The following GAS2 variants were observed in gnomAD, a reference collection of about 807,000 sequenced individuals.
GAS2 encodes growth arrest specific 2.
GAS2 carries 20 observed loss-of-function variants against 37.5 expected under a neutral mutation model. That is an observed-to-expected ratio of 0.53 (90% CI 0.37 to 0.77). GAS2 has a LOEUF of 0.77. GAS2 is among the 30% of genes least tolerant of loss of function. The pLI, the probability that GAS2 is intolerant of heterozygous loss-of-function variation, is 0.00. For missense variants in GAS2, 336 were observed against 373.4 expected, an observed-to-expected ratio of 0.90 and a Z score of 0.82; for synonymous variants, 144 against 132.2, an observed-to-expected ratio of 1.09 and a Z score of -0.61.
intron 3 of GAS2, among the ~76,000 whole-genome samples, chr11:22,700,615 A>G (rs1032486716): frequency 3.9e-5 from 6 of 152,202 alleles, no homozygotes; most frequent in African/African-American, 1.2e-4. Context: ...TGTAAATGTT[A>G]TTATATAGTG....
intron 3 of GAS2, among the ~76,000 whole-genome samples, chr11:22,704,963 G>A (rs952814371): frequency 2.0e-5 from 3 of 151,994 alleles, no homozygotes; most frequent in African/African-American, 4.8e-5. Flanking sequence ...TGATAATAAA[G>A]CAAACATTTA....
At chr11:22,728,188 C>T (rs1852303707) in intron 4 of GAS2, among the ~76,000 whole-genome samples, 1 of 151,918 alleles carries the variant, frequency 6.6e-6, no homozygotes, top group African/African-American at 2.4e-5. Flanking sequence ...TGTCTTGTCT[C>T]ATTTTCTCAT....
intron 3 of GAS2, among the ~76,000 whole-genome samples, chr11:22,696,529 C>T (rs2133996524): frequency 6.6e-6 from 1 of 152,160 alleles, no homozygotes; most frequent in South Asian, 2.1e-4. Context: ...CTGACTTCCA[C>T]AATGGTTGAA....
intron 3 of GAS2, among the ~76,000 whole-genome samples, chr11:22,700,369 C>G (rs1850769223): frequency 6.6e-6 from 1 of 152,102 alleles, no homozygotes; most frequent in African/African-American, 2.4e-5. Flanking sequence ...TGAAATTCCC[C>G]CCTCTGCCTG....
chr11:22,760,595 G>A (rs4923026), intron 7 of GAS2, among the ~76,000 whole-genome samples: 141,803 of 152,272 alleles, frequency 0.93, 66,847 homozygotes, highest in East Asian at 1. Flanking sequence ...GAAGACTTCT[G>A]TGTATTGTTG....
intron 3 of GAS2, among the ~76,000 whole-genome samples, chr11:22,725,325 T>C (rs957438536): frequency 1.3e-5 from 2 of 152,086 alleles, no homozygotes; most frequent in African/African-American, 2.4e-5. Flanking sequence ...ATGTAAACCA[T>C]GCATTTCAAG....
intron 1 of GAS2, among the ~76,000 whole-genome samples, chr11:22,673,813 A>G (rs1186884497): frequency 6.6e-6 from 1 of 152,232 alleles, no homozygotes; most frequent in Non-Finnish European, 1.5e-5. Context: ...TACCTTTTCT[A>G]CAACCCAAGT....
At chr11:22,768,645 G>T (rs1358723233) in intron 7 of GAS2, among the ~76,000 whole-genome samples, 1 of 152,154 alleles carries the variant, frequency 6.6e-6, no homozygotes, top group Admixed American at 6.5e-5. Flanking sequence ...TTTTGTTGTT[G>T]TTGCTAAACC....
intron 4 of GAS2, among the ~76,000 whole-genome samples, chr11:22,727,265 G>A (rs1191864681): frequency 6.6e-6 from 1 of 151,904 alleles, no homozygotes. Context: ...GAGACATCTA[G>A]AGAAAAAAAC....
chr11:22,641,931 A>G (rs1207399803), intron 1 of GAS2, among the ~76,000 whole-genome samples: 21 of 152,306 alleles, frequency 1.4e-4, no homozygotes, highest in African/African-American at 4.8e-4. Flanking sequence ...TGACAGAACA[A>G]TGTGAAGTGT....
At chr11:22,796,480 T>C (rs1856434333) in intron 7 of GAS2, among the ~76,000 whole-genome samples, 1 of 152,158 alleles carries the variant, frequency 6.6e-6, no homozygotes, top group Non-Finnish European at 1.5e-5. Flanking sequence ...CCTTTGACTT[T>C]GTAACATTTT....
chr11:22,743,271 T>C, intron 5 of GAS2, among the ~76,000 whole-genome samples: 1 of 152,112 alleles, frequency 6.6e-6, no homozygotes, highest in East Asian at 1.9e-4. Context: ...ACCTTAATTT[T>C]GAAGTTAACA....
intron 7 of GAS2, among the ~76,000 whole-genome samples, chr11:22,797,835 G>T (rs1208751765): frequency 2.0e-5 from 3 of 152,050 alleles, no homozygotes; most frequent in African/African-American, 7.2e-5. Flanking sequence ...ATTGTTCCAA[G>T]CATGTAAAGC....
At chr11:22,706,726 G>C (rs1470936896) in intron 3 of GAS2, among the ~76,000 whole-genome samples, 1 of 152,176 alleles carries the variant, frequency 6.6e-6, no homozygotes, top group South Asian at 2.1e-4. Flanking sequence ...TCTTAATCCA[G>C]TCTATCACTG....
intron 1 of GAS2, chr11:22,672,670 G>GGT (rs988975904): frequency 8.5e-5 from 13 of 152,092 alleles, no homozygotes; most frequent in Non-Finnish European, 1.6e-4. Context: ...GCATTTTAGA[G>GGT]GTAACCCTTT....
chr11:22,775,742 A>G (rs1181701268), intron 7 of GAS2, among the ~76,000 whole-genome samples: 2 of 152,170 alleles, frequency 1.3e-5, no homozygotes, highest in Admixed American at 1.3e-4. Flanking sequence ...AGCACAGACT[A>G]GTGCTCCTAT....
intron 7 of GAS2, among the ~76,000 whole-genome samples, chr11:22,775,705 T>G (rs10833812): frequency 0.36 from 54,576 of 152,022 alleles, 10,729 homozygotes; most frequent in South Asian, 0.57. Context: ...TAATATCAAT[T>G]GACAAGAGTC....
intron 7 of GAS2, among the ~76,000 whole-genome samples, chr11:22,763,442 T>C (rs559598510): frequency 6.6e-6 from 1 of 152,272 alleles, no homozygotes; most frequent in South Asian, 2.1e-4. Context: ...AGTAGCATGG[T>C]TCAAATTTCA....
upstream of GAS2, among the ~76,000 whole-genome samples, chr11:22,663,403 C>T (rs186975719): frequency 1.1e-3 from 168 of 148,062 alleles, 1 homozygote; most frequent in South Asian, 2.3e-3. Context: ...AATAGCCCTT[C>T]TCAAAAAAAA....
Sources: gnomAD v4.1 joint callset for allele counts (sites outside exome capture counted in the v4.1 genomes callset) on GRCh38, gnomAD v4.1.1 for gene constraint, MANE v1.5 for transcripts, NCBI Gene and HGNC (gene_info 2026-07-23, HGNC 2026-07-21) for gene names.